Variants in ATRX observed in about 807,000 individuals in gnomAD.
ATRX encodes the protein ATRX chromatin remodeler, also known as chromatin remodeler ATRX.
Under a neutral mutation model 172.6 loss-of-function variants are expected in ATRX, and 12 were observed. The ratio of observed to expected loss-of-function variants is 0.07; its 90% confidence interval spans 0.04 to 0.11. The LOEUF is 0.11. Among genes scored for constraint, ATRX ranks in the 10% least tolerant of loss-of-function variants. ATRX has a pLI of 1.00. For missense variants in ATRX, 1,368 were observed against 1,767.4 expected, an observed-to-expected ratio of 0.77 and a Z score of 4.05; for synonymous variants, 674 against 594.7, an observed-to-expected ratio of 1.13 and a Z score of -1.94.
intron 30 of ATRX, among the ~76,000 whole-genome samples, chrX:77,535,538 A>G (rs1602418144): frequency 8.9e-6 from 1 of 112,002 alleles, no homozygotes; most frequent in East Asian, 2.8e-4. Flanking sequence ...GACTGCAGTG[A>G]CATTCTAGAG....
intron 28 of ATRX, among the ~76,000 whole-genome samples, chrX:77,568,829 A>G (rs1557065919): frequency 8.9e-6 from 1 of 112,018 alleles, no homozygotes. Context: ...ATAGCACACC[A>G]TATTAACAGA....
chrX:77,752,162 G>A (rs2075326537), intron 1 of ATRX, among the ~76,000 whole-genome samples: 1 of 111,864 alleles, frequency 8.9e-6, no homozygotes, highest in Non-Finnish European at 1.9e-5. Context: ...TCCTCAAGCA[G>A]TGGTTTGTAG....
At chrX:77,587,159 GA>G (rs1273891271) in intron 27 of ATRX, among the ~76,000 whole-genome samples, 2 of 111,173 alleles carry the variant, frequency 1.8e-5, no homozygotes, top group African/African-American at 6.5e-5. Flanking sequence ...ATATATGCAA[GA>G]TATAATAATA....
At chrX:77,738,219 C>A (rs2148835509) in intron 1 of ATRX, among the ~76,000 whole-genome samples, 1 of 107,569 alleles carries the variant, frequency 9.3e-6, no homozygotes, top group South Asian at 4.1e-4. Context: ...CCTGTAGTCC[C>A]AGCTACTCAG....
intron 25 of ATRX, chrX:77,596,713 C>T (rs1320368701): frequency 9.0e-6 from 1 of 110,647 alleles, no homozygotes; most frequent in Non-Finnish European, 1.9e-5. Context: ...ATGTAAAAAA[C>T]GTTAATGCTT....
intron 1 of ATRX, among the ~76,000 whole-genome samples, chrX:77,767,125 C>G (rs1327447872): frequency 9.0e-6 from 1 of 111,399 alleles, no homozygotes; most frequent in Admixed American, 9.5e-5. Context: ...CAGGCTGAGG[C>G]AGGAGAATCA....
At chrX:77,737,205 A>C (rs1489095795) in intron 1 of ATRX, among the ~76,000 whole-genome samples, 1 of 110,228 alleles carries the variant, frequency 9.1e-6, no homozygotes, top group African/African-American at 3.3e-5. Context: ...CGGGCGAACC[A>C]CGCGGTCAGG....
chrX:77,775,040 C>A (rs782539608), intron 1 of ATRX, among the ~76,000 whole-genome samples: 1 of 111,151 alleles, frequency 9.0e-6, no homozygotes, highest in Admixed American at 9.7e-5. Flanking sequence ...AGCCTTAATG[C>A]TAATTTTTAA....
chrX:77,574,674 C>T (rs1317890848), intron 27 of ATRX, among the ~76,000 whole-genome samples: 1 of 111,567 alleles, frequency 9.0e-6, no homozygotes, highest in African/African-American at 3.2e-5. Context: ...ACTTACATTT[C>T]GCTCATGAGG....
At chrX:77,528,627 A>G (rs1664002764) in intron 30 of ATRX, among the ~76,000 whole-genome samples, 1 of 111,202 alleles carries the variant, frequency 9.0e-6, no homozygotes, top group African/African-American at 3.3e-5. Flanking sequence ...CAACAACAAA[A>G]AAAGGCCCCG....
chrX:77,617,740 A>T (rs2067413272), intron 21 of ATRX, among the ~76,000 whole-genome samples: 1 of 110,650 alleles, frequency 9.0e-6, no homozygotes, highest in African/African-American at 3.3e-5. Flanking sequence ...TTTAAGAGAC[A>T]GGGTCTTACT....
At chrX:77,782,689 G>T (rs1557206121) in intron 1 of ATRX, among the ~76,000 whole-genome samples, 1 of 111,779 alleles carries the variant, frequency 8.9e-6, no homozygotes, top group East Asian at 2.8e-4. Flanking sequence ...GGAGGCAAAG[G>T]TTGTAGTGAG....
intron 6 of ATRX, 151 bp from the exon 7 acceptor site, chrX:77,689,078 T>A (rs2071740306): frequency 4.1e-6 from 2 of 489,733 alleles, no homozygotes; most frequent in Admixed American, 6.1e-5. Context: ...AAGGTTAATA[T>A]TTTATCGACT....
intron 19 of ATRX, among the ~76,000 whole-genome samples, chrX:77,627,722 T>C (rs1296630375): frequency 9.4e-6 from 1 of 106,391 alleles, no homozygotes; most frequent in Non-Finnish European, 1.9e-5. Flanking sequence ...AAAAATGTAG[T>C]TGGGCATGGC....
chrX:77,785,774 A>T (rs868954789), intron 1 of ATRX: 1 of 35,751 alleles, frequency 2.8e-5, no homozygotes, highest in Non-Finnish European at 5.1e-5. Context: ...CGCCCCCCCC[A>T]CCTCCCCCCA....
chrX:77,545,893 G>A (rs1418567368), intron 30 of ATRX, among the ~76,000 whole-genome samples: 2 of 111,030 alleles, frequency 1.8e-5, no homozygotes, highest in Admixed American at 9.6e-5. Flanking sequence ...CACTGACTTA[G>A]GGCTAAGGAT....
At chrX:77,691,029 A>G (rs2071855566) in intron 6 of ATRX, 1 of 112,702 alleles carries the variant, frequency 8.9e-6, no homozygotes, top group Admixed American at 9.4e-5. Context: ...GTGAAAAATA[A>G]ACAAACTAGA....
intron 9 of ATRX, among the ~76,000 whole-genome samples, chrX:77,680,758 C>A (rs1557136327): frequency 2.7e-5 from 3 of 111,097 alleles, no homozygotes; most frequent in Non-Finnish European, 3.8e-5. Flanking sequence ...AAAAAAAAGA[C>A]AAATGACCAA....
At chrX:77,636,904 A>AGAAGAAG (rs1261197119) in intron 15 of ATRX, among the ~76,000 whole-genome samples, 7 of 102,839 alleles carry the variant, frequency 6.8e-5, no homozygotes, top group African/African-American at 1.8e-4. Context: ...AGAAAGAAGA[A>AGAAGAAG]GAAGAAGGAA....
Sources: gnomAD v4.1 joint callset for allele counts (sites outside exome capture counted in the v4.1 genomes callset) on GRCh38, gnomAD v4.1.1 for gene constraint, MANE v1.5 for transcripts, NCBI Gene and HGNC (gene_info 2026-07-23, HGNC 2026-07-21) for gene names.